TRANK1: variants seen among roughly 807,000 people sequenced by gnomAD.
TRANK1 encodes tetratricopeptide repeat and ankyrin repeat containing 1, also known as TPR and ankyrin repeat-containing protein 1.
A neutral mutation model predicts 266.0 loss-of-function variants in TRANK1; 198 were observed. That is an observed-to-expected ratio of 0.74 (90% CI 0.66 to 0.84). The LOEUF (loss-of-function observed/expected upper bound fraction) is 0.84, where lower values mean the gene tolerates loss of function less well. TRANK1 is among the 40% of genes least tolerant of loss of function. The pLI is 0.00. For missense variants in TRANK1, 3,326 were observed against 3,634.6 expected (o/e 0.92, Z 2.18); for synonymous variants, 1,396 against 1,384.1 (o/e 1.01, Z -0.19).
In TRANK1 at chr3:36,899,364, C is replaced by G; in HGVS notation, c.283-105G>C. On this transcript the variant is annotated intron_variant, in intron 3 of 23. Transcript: ENST00000645898. ...ACATGGGAAATCCAACTCTAAAAGT[C>G]TGACTTCTGGCTGGGCACAGTGGCT... 3.8e-6 allele frequency: 5 copies of G among 1,301,806 alleles called. 1 individual carries two copies. The South Asian group carries it at 7.4e-5, about 19-fold the overall frequency. 80.6% of individuals were successfully genotyped at this position (1,301,806 alleles called of 1,614,324 possible).
chr3:36,878,475 T>C (rs1017388460), intron 8 of TRANK1, among the ~76,000 whole-genome samples: 3 of 152,206 alleles, frequency 2.0e-5, no homozygotes, highest in Non-Finnish European at 2.9e-5. Flanking sequence ...ACGTCTTAGA[T>C]AGTCCATGAA....
chr3:36,842,793 T>C (rs1575188755), intron 17 of TRANK1, 83 bp from the exon 18 acceptor site: 1 of 1,188,958 alleles, frequency 8.4e-7, no homozygotes. Flanking sequence ...TTGCATCTCC[T>C]CCGCCAGCCA....
At chr3:36,843,588 C>T (rs2078877355) in intron 17 of TRANK1, among the ~76,000 whole-genome samples, 1 of 151,890 alleles carries the variant, frequency 6.6e-6, no homozygotes, top group Non-Finnish European at 1.5e-5. Flanking sequence ...CACCCCCACC[C>T]TGCCACCTGC....
intron 18 of TRANK1, among the ~76,000 whole-genome samples, chr3:36,839,055 G>C (rs1217110903): frequency 6.6e-6 from 1 of 152,192 alleles, no homozygotes; most frequent in Non-Finnish European, 1.5e-5. Flanking sequence ...TGCTACTTCA[G>C]GTCAGAGCCA....
At chr3:36,829,783 G>A (rs1406773516) in intron 22 of TRANK1, 121 bp from the exon 23 acceptor site, 2 of 1,043,246 alleles carry the variant, frequency 1.9e-6, no homozygotes, top group Non-Finnish European at 2.8e-6. Flanking sequence ...CCTGAAAAGA[G>A]CCCTCCTTAT....
At chr3:36,926,839 CCTCA>C (rs750514600) in intron 1 of TRANK1, among the ~76,000 whole-genome samples, 1 of 152,182 alleles carries the variant, frequency 6.6e-6, no homozygotes, top group Non-Finnish European at 1.5e-5. Context: ...AACTTCTTAA[CCTCA>C]CTAATATGTC....
In TRANK1 at chr3:36,832,596, C is replaced by T. The variant is rs1298870601; in HGVS notation, c.6987G>A (p.Leu2329=). ...SARNRRESTD[L]WLSAMQAFLL... ...GGAAAGCTTGCATGGCACTCAGCCA[C>T]AGGTCTGTGGATTCCCGGCGGTTGC... Residue 2329 remains leucine (L), a synonymous_variant, in exon 22 of 24, where the codon CTG becomes CTA. Coordinates refer to ENST00000645898, the MANE Select transcript of TRANK1 (RefSeq NM_001329998.2). The T allele has an allele frequency of 6.2e-7, 1 of 1,613,908 alleles. No individual in the cohort carries two copies. Among genetic ancestry groups the T allele is most frequent in the East Asian group, 2.2e-5 (1 of 44,892 alleles).
chr3:36,920,604 T>G lies in TRANK1; in HGVS notation c.24-12150A>C, dbSNP rs1162126343. 3.3e-5 allele frequency among the ~76,000 whole-genome samples: 5 copies of G among 152,190 alleles called. 1 individual carries two copies. The highest frequency in any genetic ancestry group is 3.3e-4 in the Admixed American group (5 of 15,276). On this transcript the variant is annotated intron_variant, in intron 1 of 23. Coordinates refer to ENST00000645898, the MANE Select transcript of TRANK1 (RefSeq NM_001329998.2). ...CTCTATTACACAGAGCACTGTCCAG[T>G]GTGGAAGTGAAGCTGTGAATCCTGA... is the stretch of plus-strand genomic sequence containing the variant.
rs1575237879 is a variant in TRANK1 at position 36,874,114 on chromosome 3, T to C, written c.1078+12A>G. On this transcript the variant is annotated intron_variant, in intron 9 of 23. Coordinates refer to ENST00000645898, the MANE Select transcript of TRANK1 (RefSeq NM_001329998.2). ...TTATGCCCCCCAAAAGTTAATACAC[T>C]GGAAGCTGTACCTGATAGGTCCTTA... The C allele has an allele frequency of 3.3e-6, 5 of 1,532,772 alleles. No homozygotes were observed. Among genetic ancestry groups the C allele is most frequent in the Non-Finnish European group, 4.4e-6 (5 of 1,144,846 alleles). The allele number at this position is 1,532,772 out of a possible 1,614,324, so 94.9% of individuals were successfully genotyped here. A position where few individuals can be genotyped will look rare whatever the true frequency, so the allele number is the denominator to read the frequency against.
At chr3:36,913,293 C>T (rs907785944) in intron 1 of TRANK1, among the ~76,000 whole-genome samples, 3 of 151,990 alleles carry the variant, frequency 2.0e-5, no homozygotes, top group South Asian at 2.1e-4. Context: ...TCAAGTGATC[C>T]GGCCGCCTCG....
intron 1 of TRANK1, among the ~76,000 whole-genome samples, chr3:36,935,986 T>A (rs2080419985): frequency 6.6e-6 from 1 of 151,914 alleles, no homozygotes; most frequent in African/African-American, 2.4e-5. Context: ...CAGGTGGTTT[T>A]GTTACTTGGG....
intron 9 of TRANK1, among the ~76,000 whole-genome samples, chr3:36,870,962 TAAAAAAA>T (rs563787088): frequency 6.1e-5 from 4 of 65,100 alleles, no homozygotes; most frequent in Middle Eastern, 0.015. Flanking sequence ...ACAAGGAAAC[TAAAAAAA>T]AAAAAAAAAA....
intron 18 of TRANK1, among the ~76,000 whole-genome samples, 159 bp from the exon 19 acceptor site, chr3:36,838,875 AAGT>A (rs1302222254): frequency 6.6e-6 from 1 of 152,240 alleles, no homozygotes; most frequent in Admixed American, 6.5e-5. Context: ...ATTCTAAAGA[AAGT>A]AGTCTTGGAG....
intron 8 of TRANK1, among the ~76,000 whole-genome samples, chr3:36,880,008 A>ATGTAAATATACAAATATT (rs2079496527): frequency 2.5e-5 from 1 of 39,736 alleles, no homozygotes; most frequent in African/African-American, 1.4e-4. Flanking sequence ...ATGCAAATAT[A>ATGTAAATATACAAATATT]TGTAAACATG....
intron 18 of TRANK1, 44 bp downstream of exon 18, chr3:36,842,578 C>T (rs776548693): frequency 1.1e-5 from 17 of 1,557,476 alleles, no homozygotes; most frequent in South Asian, 2.3e-5. Context: ...TGAGGTCTGA[C>T]GAGGGCACCA....
chr3:36,842,723 A>G lies in TRANK1; in HGVS notation c.5192-13T>C. The G allele has an allele frequency of 6.2e-7, 1 of 1,611,620 alleles. No homozygotes were observed. Among genetic ancestry groups the G allele is most frequent in the Non-Finnish European group, 8.5e-7 (1 of 1,178,416 alleles). On this transcript the variant is annotated splice_polypyrimidine_tract_variant and intron_variant, in intron 17 of 23. Transcript: ENST00000645898. ...CTATCATCAAAGTCTAAAATGAGAA[A>G]GAAAAGTGTGTTTGCTTCTCTGGGC...
At chr3:36,923,825 G>T (rs2080251411) in intron 1 of TRANK1, among the ~76,000 whole-genome samples, 1 of 152,108 alleles carries the variant, frequency 6.6e-6, no homozygotes, top group Non-Finnish European at 1.5e-5. Flanking sequence ...ATTGGGTGAG[G>T]GACCTGGGTT....
intron 1 of TRANK1, among the ~76,000 whole-genome samples, chr3:36,931,371 T>C (rs2080358282): frequency 6.6e-6 from 1 of 152,210 alleles, no homozygotes; most frequent in South Asian, 2.1e-4. Flanking sequence ...TACATTCCCT[T>C]TTGTACAGAA....
chr3:36,896,973 GA>G (rs1289660541), intron 4 of TRANK1, among the ~76,000 whole-genome samples: 2 of 149,710 alleles, frequency 1.3e-5, no homozygotes, highest in Admixed American at 1.3e-4. Context: ...CAGCCTGGGC[GA>G]AAAGAGTGAA....
Sources: gnomAD v4.1 joint callset for allele counts (sites outside exome capture counted in the v4.1 genomes callset) on GRCh38, gnomAD v4.1.1 for gene constraint, MANE v1.5 for transcripts, NCBI Gene and HGNC (gene_info 2026-07-23, HGNC 2026-07-21) for gene names.